TBCK: variants seen among roughly 807,000 people sequenced by gnomAD.
The protein encoded by TBCK is TBC domain-containing protein kinase-like protein.
A neutral mutation model predicts 113.4 loss-of-function variants in TBCK; 99 were observed. The observed-to-expected ratio is 0.87, with a 90% CI of 0.74 to 1.03. TBCK has a LOEUF of 1.03. Ranked by LOEUF, TBCK falls within the 50% of genes least tolerant of loss-of-function variation. TBCK has a pLI of 0.00. For missense variants in TBCK, 1,045 were observed against 1,061.3 expected (o/e 0.98, Z 0.21); for synonymous variants, 369 against 370.8 (o/e 1.00, Z 0.05).
intron 25 of TBCK, among the ~76,000 whole-genome samples, chr4:106,075,637 G>T (rs931778142): frequency 6.6e-6 from 1 of 152,102 alleles, no homozygotes. Flanking sequence ...TTTAATGAAA[G>T]AAATGAGTTA....
At chr4:106,216,402 C>T (rs1756925962) in intron 19 of TBCK, among the ~76,000 whole-genome samples, 1 of 152,036 alleles carries the variant, frequency 6.6e-6, no homozygotes, top group South Asian at 2.1e-4. Context: ...CACAAAAAAC[C>T]CTTCAAAAAA....
chr4:106,052,848 A>T (rs1734960161), intron 25 of TBCK, among the ~76,000 whole-genome samples: 1 of 151,734 alleles, frequency 6.6e-6, no homozygotes, highest in African/African-American at 2.4e-5. Context: ...TTGTAGCTAA[A>T]TTGTATCATT....
chr4:106,164,298 GCAGA>G (rs1436084214), intron 23 of TBCK: 3 of 151,958 alleles, frequency 2.0e-5, no homozygotes, highest in South Asian at 2.1e-4. Context: ...AATAATTTCA[GCAGA>G]CAGTGTTTAG....
At chr4:106,244,303 T>C (rs916216628) in intron 11 of TBCK, among the ~76,000 whole-genome samples, 1 of 152,178 alleles carries the variant, frequency 6.6e-6, no homozygotes, top group Non-Finnish European at 1.5e-5. Context: ...GTCTTAAATA[T>C]TCTATTGTGA....
At chr4:106,110,777 T>C (rs1424206679) in intron 24 of TBCK, among the ~76,000 whole-genome samples, 1 of 152,094 alleles carries the variant, frequency 6.6e-6, no homozygotes, top group Non-Finnish European at 1.5e-5. Flanking sequence ...AACTGTCACC[T>C]ACCTTACTGC....
At chr4:106,194,462 T>C (rs1753992331) in intron 21 of TBCK, among the ~76,000 whole-genome samples, 1 of 151,896 alleles carries the variant, frequency 6.6e-6, no homozygotes. Context: ...TTATAGTTAA[T>C]TTTTTTTCAA....
intron 25 of TBCK, among the ~76,000 whole-genome samples, chr4:106,065,180 A>G (rs1435729152): frequency 6.6e-6 from 1 of 151,974 alleles, no homozygotes; most frequent in Non-Finnish European, 1.5e-5. Flanking sequence ...TTTACTTAAT[A>G]CATGATATGG....
intron 5 of TBCK, among the ~76,000 whole-genome samples, chr4:106,254,496 T>A (rs1325482948): frequency 6.6e-6 from 1 of 152,230 alleles, no homozygotes; most frequent in African/African-American, 2.4e-5. Context: ...GGTTTTGTCT[T>A]TTCTTTCTCT....
At chr4:106,250,108 T>G (rs911422929) in intron 7 of TBCK, among the ~76,000 whole-genome samples, 1 of 152,144 alleles carries the variant, frequency 6.6e-6, no homozygotes, top group Non-Finnish European at 1.5e-5. Context: ...GAAGGTAAAC[T>G]GCTACAGAAA....
rs1218724985 is a variant in TBCK at position 106,053,673 on chromosome 4, A to C, written c.2572-6993T>G. Among the ~76,000 whole-genome samples the C allele has an allele frequency of 2.0e-5, 3 of 151,660 alleles. No individual in the cohort carries two copies. The East Asian group carries it at 5.8e-4, about 29-fold the overall frequency. On this transcript the variant is annotated intron_variant, in intron 25 of 25. Transcript: ENST00000394708. ...GTCTTTACTATCTTCCCTGGAATTT[A>C]AACTCATGAATCTGCTTCCTCAACA...
chr4:106,214,981 C>G (rs1308923395), intron 19 of TBCK, among the ~76,000 whole-genome samples: 5 of 151,168 alleles, frequency 3.3e-5, no homozygotes, highest in Non-Finnish European at 1.5e-5. Context: ...TCGGGTTACC[C>G]TCAAAGGGAA....
intron 12 of TBCK, chr4:106,238,792 C>T (rs957706099): frequency 2.0e-5 from 3 of 152,114 alleles, no homozygotes; most frequent in Non-Finnish European, 4.4e-5. Context: ...GAGGGACCCT[C>T]GAATACAGGG....
intron 9 of TBCK, 57 bp from the exon 10 acceptor site, chr4:106,247,344 T>A: frequency 6.6e-7 from 1 of 1,520,658 alleles, no homozygotes; most frequent in Non-Finnish European, 9.1e-7. Flanking sequence ...TTTCCTAGAA[T>A]AATGGCATAC....
At chr4:106,288,106 TAAA>T (rs58899758) in intron 3 of TBCK, among the ~76,000 whole-genome samples, 3 of 131,926 alleles carry the variant, frequency 2.3e-5, no homozygotes, top group African/African-American at 2.8e-5. Context: ...AACCCTTTCT[TAAA>T]AAAAAAAAAA....
intron 22 of TBCK, among the ~76,000 whole-genome samples, chr4:106,173,887 C>T (rs548521742): frequency 6.6e-6 from 1 of 150,468 alleles, no homozygotes; most frequent in South Asian, 2.1e-4. Flanking sequence ...ATTATTGAGA[C>T]AATGCATTGT....
intron 22 of TBCK, among the ~76,000 whole-genome samples, chr4:106,171,994 C>A (rs1016997916): frequency 1.3e-5 from 2 of 151,944 alleles, no homozygotes; most frequent in African/African-American, 4.8e-5. Context: ...CAACACCCGG[C>A]TAATTTTTTG....
chr4:106,263,386 G>C (rs1184265183), intron 3 of TBCK, among the ~76,000 whole-genome samples: 2 of 151,804 alleles, frequency 1.3e-5, no homozygotes, highest in Non-Finnish European at 2.9e-5. Context: ...AAAACATAAG[G>C]ATTGTCAGAT....
intron 24 of TBCK, among the ~76,000 whole-genome samples, chr4:106,107,606 C>G (rs943743808): frequency 6.6e-6 from 1 of 152,142 alleles, no homozygotes; most frequent in East Asian, 1.9e-4. Flanking sequence ...ATACAACATA[C>G]CAGAATCTCT....
chr4:106,123,532 C>G (rs1486856936), intron 23 of TBCK, among the ~76,000 whole-genome samples: 2 of 152,132 alleles, frequency 1.3e-5, no homozygotes, highest in Non-Finnish European at 2.9e-5. Context: ...CTTTCAAGTT[C>G]ATATGGAACC....
Sources: allele counts gnomAD v4.1 joint callset (sites outside exome capture counted in the v4.1 genomes callset), GRCh38; gene constraint gnomAD v4.1.1; transcripts MANE v1.5; gene names NCBI Gene and HGNC (gene_info 2026-07-23, HGNC 2026-07-21).